AVL9: variants seen among roughly 807,000 people sequenced by gnomAD.
AVL9 encodes the protein AVL9 cell migration associated, also known as late secretory pathway protein AVL9 homolog.
A neutral mutation model predicts 79.2 loss-of-function variants in AVL9; 49 were observed. The observed-to-expected ratio is 0.62, with a 90% CI of 0.49 to 0.79. The LOEUF (loss-of-function observed/expected upper bound fraction) is 0.79. AVL9 is among the 30% of genes least tolerant of loss of function. AVL9 has a pLI of 0.00. For missense variants in AVL9, 682 were observed against 776.8 expected (o/e 0.88, Z 1.45); for synonymous variants, 299 against 280.6 (o/e 1.07, Z -0.65).
intron 4 of AVL9, among the ~76,000 whole-genome samples, chr7:32,549,640 C>T (rs1050515355): frequency 6.6e-6 from 1 of 151,546 alleles, no homozygotes; most frequent in Non-Finnish European, 1.5e-5. Context: ...TGTGGCCGGG[C>T]ATGGTGGCTC....
chr7:32,577,656 A>G (rs1198763895), intron 13 of AVL9, among the ~76,000 whole-genome samples: 1 of 152,162 alleles, frequency 6.6e-6, no homozygotes, highest in Non-Finnish European at 1.5e-5. Flanking sequence ...TTTATCTGTC[A>G]CTACATCTGG....
chr7:32,542,969 G>C (rs570691953), intron 1 of AVL9, among the ~76,000 whole-genome samples, 172 bp from the exon 2 acceptor site: 1 of 152,210 alleles, frequency 6.6e-6, no homozygotes, highest in Admixed American at 6.5e-5. Flanking sequence ...TCCTTTTACT[G>C]CTTTTTTTCC....
chr7:32,503,357 G>C (rs1213027915), intron 1 of AVL9, among the ~76,000 whole-genome samples: 3 of 89,398 alleles, frequency 3.4e-5, no homozygotes, highest in Non-Finnish European at 6.7e-5. Context: ...TATAGATATA[G>C]AGAGATATAT....
chr7:32,551,930 T>C (rs1421506558), intron 5 of AVL9, among the ~76,000 whole-genome samples: 1 of 152,066 alleles, frequency 6.6e-6, no homozygotes, highest in Non-Finnish European at 1.5e-5. Flanking sequence ...CAGAGGGGAT[T>C]TATACTAGGA....
rs775861879 is a variant in AVL9 at position 32,559,113 on chromosome 7, T to C, written c.864T>C (p.Asp288=). Residue 288 remains aspartate (D), a synonymous_variant, in exon 10 of 16, where the codon GAT becomes GAC. Transcript: ENST00000318709. ...TCATGGCAGGAAACCATGGAGAAGA[T>C]GCTGCCATGAAGACTGAGGAGCCTT... ...RKVMAGNHGE[D]AAMKTEEPLF... is the part of the protein sequence containing the mutation. 1.2e-6 allele frequency: 2 copies of C among 1,613,910 alleles called. No individual in the cohort carries two copies. The highest frequency in any genetic ancestry group is 1.6e-4 in the Middle Eastern group (1 of 6,084).
At chr7:32,560,377 T>C (rs1790280976) in intron 10 of AVL9, among the ~76,000 whole-genome samples, 1 of 144,634 alleles carries the variant, frequency 6.9e-6, no homozygotes, top group African/African-American at 2.6e-5. Context: ...TAAAAATCCT[T>C]TGTTGTCATT....
intron 8 of AVL9, among the ~76,000 whole-genome samples, chr7:32,555,045 A>G (rs867296892): frequency 1.3e-5 from 2 of 152,142 alleles, no homozygotes; most frequent in African/African-American, 4.8e-5. Context: ...AAACAATCTA[A>G]TAAGAATTCT....
At chr7:32,509,256 A>G (rs1787545732) in intron 1 of AVL9, among the ~76,000 whole-genome samples, 1 of 152,108 alleles carries the variant, frequency 6.6e-6, no homozygotes, top group South Asian at 2.1e-4. Context: ...CCCTGGCAAG[A>G]TTCTGGAATT....
At chr7:32,521,641 G>A (rs568187509) in intron 1 of AVL9, among the ~76,000 whole-genome samples, 16 of 152,258 alleles carry the variant, frequency 1.1e-4, no homozygotes, top group South Asian at 1.0e-3. Flanking sequence ...ATTACTATGC[G>A]ATAGACAAGA....
intron 1 of AVL9, among the ~76,000 whole-genome samples, chr7:32,515,408 C>T (rs1184764689): frequency 6.6e-6 from 1 of 152,184 alleles, no homozygotes; most frequent in African/African-American, 2.4e-5. Flanking sequence ...GCCCTCCTCC[C>T]TCCAGAGAAT....
intron 1 of AVL9, among the ~76,000 whole-genome samples, chr7:32,517,741 G>A (rs188481575): frequency 6.6e-6 from 1 of 151,544 alleles, no homozygotes; most frequent in Non-Finnish European, 1.5e-5. Context: ...ATACTATAAG[G>A]TGTCAAAATT....
intron 1 of AVL9, among the ~76,000 whole-genome samples, chr7:32,525,072 G>A (rs1788342566): frequency 6.6e-6 from 1 of 152,166 alleles, no homozygotes; most frequent in Non-Finnish European, 1.5e-5. Context: ...TGGTTCTCAT[G>A]AGCTGTTTGG....
In AVL9 at chr7:32,569,972, G is replaced by A. The variant is rs749966455; in HGVS notation, c.1216-48G>A. Reference sequence around the variant, plus strand: ...TAGCTCACTAAGTTTAAAGAGAAAGGTAACCTTTTACTTTTCTGATATTTT... The same window carrying A: ...TAGCTCACTAAGTTTAAAGAGAAAGATAACCTTTTACTTTTCTGATATTTT... On this transcript the variant is annotated intron_variant, in intron 10 of 15. Coordinates refer to ENST00000318709, the MANE Select transcript of AVL9 (RefSeq NM_015060.3). The A allele has an allele frequency of 8.8e-6, 14 of 1,597,336 alleles. No homozygotes were observed. In the East Asian group the frequency reaches 2.5e-4, roughly 28 times the overall value.
chr7:32,574,003 A>G (rs1336712119), intron 12 of AVL9, among the ~76,000 whole-genome samples: 2 of 152,214 alleles, frequency 1.3e-5, no homozygotes, highest in East Asian at 3.8e-4. Flanking sequence ...AAAGAAATAT[A>G]TAAATAGTGA....
chr7:32,578,602 G>GT lies in AVL9; in HGVS notation c.1689-1615dup, dbSNP rs572464331. Among the ~76,000 whole-genome samples, 11 of 152,270 alleles carry GT rather than the reference G, an allele frequency of 7.2e-5. No homozygotes were observed. In the East Asian group the frequency reaches 2.1e-3, roughly 29 times the overall value. ...GTGGGCGGATCACGTGAGCTCAGGAGTTCAAGACCAGCCTGGGCAACATGG... is the reference window on the plus strand; with the variant it reads ...GTGGGCGGATCACGTGAGCTCAGGAGTTTCAAGACCAGCCTGGGCAACATGG... On this transcript the variant is annotated intron_variant, in intron 13 of 15. Transcript: ENST00000318709.
chr7:32,553,682 A>G lies in AVL9; in HGVS notation c.530-45A>G, dbSNP rs191748551. 207 of 1,490,810 alleles carry G rather than the reference A, an allele frequency of 1.4e-4. No homozygotes were observed. In the African/African-American group the frequency reaches 2.6e-3, roughly 19 times the overall value. 92.3% of individuals were successfully genotyped at this position (1,490,810 alleles called of 1,614,324 possible). A position where few individuals can be genotyped will look rare whatever the true frequency, so the allele number is the denominator to read the frequency against. ...GGGAAATAACCTTTCTGCAGCAAAAACATTACATTGTAGTCACACTTGAGC... is the reference window on the plus strand; with the variant it reads ...GGGAAATAACCTTTCTGCAGCAAAAGCATTACATTGTAGTCACACTTGAGC... On this transcript the variant is annotated intron_variant, in intron 6 of 15. Transcript: ENST00000318709.
In AVL9 at chr7:32,495,618, C is replaced by T; in HGVS notation, c.-92C>T. On this transcript the variant is annotated 5_prime_UTR_variant, in exon 1 of 16. Transcript: ENST00000318709. ...CCCTCATGTGCTGTGCTCGCTGACACCCGAAGTCCGCGGCTTTCCGCACAC... is the reference window on the plus strand; with the variant it reads ...CCCTCATGTGCTGTGCTCGCTGACATCCGAAGTCCGCGGCTTTCCGCACAC... 2 of 845,342 alleles carry T rather than the reference C, an allele frequency of 2.4e-6. No individual in the cohort carries two copies. Among genetic ancestry groups the T allele is most frequent in the Non-Finnish European group, 3.2e-6 (2 of 620,784 alleles). The allele number at this position is 845,342 out of a possible 1,614,324, so 52.4% of individuals were successfully genotyped here.
intron 1 of AVL9, among the ~76,000 whole-genome samples, chr7:32,511,318 G>A (rs574237436): frequency 6.1e-5 from 9 of 147,874 alleles, no homozygotes; most frequent in African/African-American, 1.0e-4. Flanking sequence ...TTTGTGAGCC[G>A]TCAGGTCTGC....
At chr7:32,504,288 T>C (rs2128113324) in intron 1 of AVL9, among the ~76,000 whole-genome samples, 1 of 152,348 alleles carries the variant, frequency 6.6e-6, no homozygotes, top group East Asian at 1.9e-4. Flanking sequence ...AAAATGGTTT[T>C]TATAGCTTTG....
Sources: allele counts gnomAD v4.1 joint callset (sites outside exome capture counted in the v4.1 genomes callset), GRCh38; gene constraint gnomAD v4.1.1; transcripts MANE v1.5; gene names NCBI Gene and HGNC (gene_info 2026-07-23, HGNC 2026-07-21).